The following ZNF37A variants were observed in gnomAD, a reference collection of about 807,000 sequenced individuals.
ZNF37A encodes zinc finger protein 37a (KOX 21).
Under a neutral mutation model 12.3 loss-of-function variants are expected in ZNF37A, and 10 were observed. That is an observed-to-expected ratio of 0.82 (90% CI 0.50 to 1.38). ZNF37A has a LOEUF of 1.38. Among genes scored for constraint, ZNF37A ranks in the 40% most tolerant of loss-of-function variants. The pLI is 0.00. For missense variants in ZNF37A, 580 were observed against 651.2 expected, an observed-to-expected ratio of 0.89 and a Z score of 1.19; for synonymous variants, 207 against 223.0, an observed-to-expected ratio of 0.93 and a Z score of 0.64.
intron 5 of ZNF37A, among the ~76,000 whole-genome samples, chr10:38,106,752 A>G (rs1312714700): frequency 2.0e-5 from 3 of 152,088 alleles, no homozygotes; most frequent in African/African-American, 2.4e-5. Flanking sequence ...AAGAAAGGAC[A>G]TAAGAGATTG....
At chr10:38,101,823 C>T (rs554593725) in intron 5 of ZNF37A, among the ~76,000 whole-genome samples, 17 of 133,144 alleles carry the variant, frequency 1.3e-4, no homozygotes, top group African/African-American at 2.5e-4. Context: ...TTTTATTTTT[C>T]TTTTTTTTTT....
chr10:38,147,043 T>G, exon 8 of ZNF37A: 2 of 301,838 alleles, frequency 6.6e-6, no homozygotes, highest in East Asian at 1.1e-4. Context: ...TCTGGCTGAT[T>G]ATCTGCAGCA....
At chr10:38,112,805 CTTGTCTTCTT>C (rs2068919900) in intron 5 of ZNF37A, among the ~76,000 whole-genome samples, 1 of 54,528 alleles carries the variant, frequency 1.8e-5, no homozygotes, top group Non-Finnish European at 3.9e-5. Context: ...CTTGTCTTGT[CTTGTCTTCTT>C]TTCTTTTCTT....
At chr10:38,130,329 T>C (rs1199986915), downstream of ZNF37A, among the ~76,000 whole-genome samples, 1 of 152,232 alleles carries the variant, frequency 6.6e-6, no homozygotes, top group Non-Finnish European at 1.5e-5. Flanking sequence ...ATGATGTGCC[T>C]GTGTACAGTG....
At position 38,123,267 on chromosome 10, in the gene ZNF37A, T is replaced by C. The variant is rs1383754440; in HGVS notation, c.*4430T>C. On this transcript the variant is annotated 3_prime_UTR_variant, in exon 8 of 8. Coordinates refer to ENST00000685332, the MANE Select transcript of ZNF37A (RefSeq NM_001324250.3). The stretch of plus-strand genomic sequence containing the variant: ...CATACCTGTATTAAAATATCTCATG[T>C]ACCCCATAAACATATACACCTACTT... 1 of 152,178 alleles carries C rather than the reference T, an allele frequency of 6.6e-6. No individual in the cohort carries two copies. Among genetic ancestry groups the C allele is most frequent in the East Asian group, 1.9e-4 (1 of 5,196 alleles). 9.4% of individuals were successfully genotyped at this position (152,178 alleles called of 1,614,324 possible).
chr10:38,114,157 C>G (rs2069047557), intron 5 of ZNF37A, among the ~76,000 whole-genome samples: 2 of 152,186 alleles, frequency 1.3e-5, no homozygotes, highest in Non-Finnish European at 2.9e-5. Flanking sequence ...TTCCTAGTCT[C>G]CCTCATCTTC....
At chr10:38,131,288 A>G (rs933042663) in intron 7 of ZNF37A, among the ~76,000 whole-genome samples, 5 of 151,834 alleles carry the variant, frequency 3.3e-5, no homozygotes, top group African/African-American at 1.2e-4. Context: ...TGTCATGAGG[A>G]TTTTCTCCAG....
At chr10:38,106,538 GTAA>G (rs578255818) in intron 5 of ZNF37A, among the ~76,000 whole-genome samples, 28 of 152,228 alleles carry the variant, frequency 1.8e-4, no homozygotes, top group Admixed American at 1.8e-3. Context: ...CAGAAGGTGG[GTAA>G]TAATAACTAA....
At position 38,120,134 on chromosome 10, in the gene ZNF37A, A is replaced by G. The variant is rs2069606524; in HGVS notation, c.*1297A>G. 6.6e-6 allele frequency: 1 copy of G among 152,246 alleles called. No individual in the cohort carries two copies. The highest frequency in any genetic ancestry group is 1.5e-5 in the Non-Finnish European group (1 of 68,054). The allele number at this position is 152,246 out of a possible 1,614,324, so 9.4% of individuals were successfully genotyped here. A position where few individuals can be genotyped will look rare whatever the true frequency, so the allele number is the denominator to read the frequency against. On this transcript the variant is annotated 3_prime_UTR_variant, in exon 8 of 8. Coordinates refer to ENST00000685332, the MANE Select transcript of ZNF37A (RefSeq NM_001324250.3). ...ATATAACTTAAATATGGAGCTTTCAAAAAGCACAAATAGGCTGGACATGGT... is the reference window on the plus strand; with the variant it reads ...ATATAACTTAAATATGGAGCTTTCAGAAAGCACAAATAGGCTGGACATGGT...
downstream of ZNF37A, among the ~76,000 whole-genome samples, chr10:38,129,795 G>C (rs11011457): frequency 0.028 from 4,234 of 152,152 alleles, 118 homozygotes; most frequent in African/African-American, 0.076. Context: ...TATGTTTGTA[G>C]TTTTGGGTTT....
chr10:38,112,947 A>G (rs2135991576), intron 5 of ZNF37A, among the ~76,000 whole-genome samples: 1 of 151,942 alleles, frequency 6.6e-6, no homozygotes, highest in East Asian at 1.9e-4. Flanking sequence ...AGCTGGGATT[A>G]CAGGTGCCTG....
chr10:38,114,730 A>T, intron 5 of ZNF37A, 25 bp from the exon 6 acceptor site: 1 of 1,614,008 alleles, frequency 6.2e-7, no homozygotes, highest in Non-Finnish European at 8.5e-7. Context: ...ATCACTTCAG[A>T]CTGAGCAAAA....
rs761518878 is a variant in ZNF37A at position 38,117,643 on chromosome 10, TAA to T, written c.493_494del (p.Lys165GlufsTer13). 3 of 1,613,804 alleles carry T rather than the reference TAA, an allele frequency of 1.9e-6. No homozygotes were observed. The Admixed American group carries it at 5.0e-5, about 27-fold the overall frequency. On this transcript the variant is annotated frameshift_variant, in exon 8 of 8. Coordinates refer to ENST00000685332, the MANE Select transcript of ZNF37A (RefSeq NM_001324250.3). LOFTEE classifies it low-confidence loss of function (END_TRUNC). Reference protein sequence around the residue: ...FPENSLFLVHKRGYTGQKTCK... With the variant: ...FPENSLFLVHXRGYTGQKTCK... ...CTGAGAATTCACTCTTCCTTGTACA[TAA>T]GAGAGGTTACACAGGACAGAAAACC...
intron 5 of ZNF37A, among the ~76,000 whole-genome samples, chr10:38,110,468 T>G (rs1480073422): frequency 6.6e-6 from 1 of 152,074 alleles, no homozygotes; most frequent in South Asian, 2.1e-4. Flanking sequence ...TGGCAACAAA[T>G]GCCAAAATTG....
rs12762220 is a variant in ZNF37A, at chr10:38,131,658, G to A, written c.239-15074G>A. Among the ~76,000 whole-genome samples, 266 of 152,162 alleles carry A rather than the reference G, an allele frequency of 1.7e-3. 1 individual carries two copies. Among genetic ancestry groups the A allele is most frequent in the Non-Finnish European group, 2.8e-3 (193 of 67,990 alleles). ...TTGTTTTTGCTATTTGGTGCCCTCT[G>A]TAATTTTATATGAATTTGAAAATTA... On this transcript the variant is annotated intron_variant, in intron 7 of 7. Coordinates refer to the ZNF37A transcript ENST00000638053.
intron 7 of ZNF37A, among the ~76,000 whole-genome samples, chr10:38,134,181 T>C (rs2070072688): frequency 1.3e-5 from 2 of 152,194 alleles, no homozygotes; most frequent in African/African-American, 4.8e-5. Flanking sequence ...TAGTTAGCCA[T>C]TCGTCCAATC....
downstream of ZNF37A, among the ~76,000 whole-genome samples, chr10:38,129,718 A>G (rs1271881695): frequency 2.0e-5 from 3 of 152,164 alleles, no homozygotes; most frequent in East Asian, 1.9e-4. Flanking sequence ...ATTTTCCACT[A>G]TATTTAGGTA....
At position 38,114,673 on chromosome 10, in the gene ZNF37A, G is replaced by C. The variant is rs921977079; in HGVS notation, c.16-82G>C. ...CTATTTAATTTTCAACAATAAAAATGGTAAGAATTAGTCCCTAAACATCTT... is the reference window on the plus strand; with the variant it reads ...CTATTTAATTTTCAACAATAAAAATCGTAAGAATTAGTCCCTAAACATCTT... On this transcript the variant is annotated intron_variant, in intron 5 of 7. Coordinates refer to ENST00000685332, the MANE Select transcript of ZNF37A (RefSeq NM_001324250.3). 3 of 1,561,158 alleles carry C rather than the reference G, an allele frequency of 1.9e-6. No individual in the cohort carries two copies. In the South Asian group the frequency reaches 3.4e-5, roughly 17 times the overall value.
At chr10:38,125,557 A>G (rs566203669), downstream of ZNF37A, 72 of 152,314 alleles carry the variant, frequency 4.7e-4, no homozygotes, top group African/African-American at 1.5e-3. Flanking sequence ...TAAAATCTCA[A>G]TGGGTCATAA....
Sources: allele counts gnomAD v4.1 joint callset (sites outside exome capture counted in the v4.1 genomes callset), GRCh38; gene constraint gnomAD v4.1.1; transcripts MANE v1.5; gene names NCBI Gene and HGNC (gene_info 2026-07-23, HGNC 2026-07-21).